KEAP1: variants seen among roughly 807,000 people sequenced by gnomAD.
KEAP1 encodes the protein kelch-like ECH-associated protein 1.
In KEAP1, 26 loss-of-function variants were observed where a neutral mutation model predicts 59.7. That is an observed-to-expected ratio of 0.44 (90% CI 0.32 to 0.60). KEAP1 has a LOEUF of 0.60. Ranked by LOEUF, KEAP1 falls within the 20% of genes least tolerant of loss-of-function variation. The pLI, the probability that KEAP1 is intolerant of heterozygous loss-of-function variation, is 0.06. For synonymous variants in KEAP1, 350 were observed against 358.3 expected (o/e 0.98, Z 0.26); for missense variants, 539 against 871.4 (o/e 0.62, Z 4.80).
rs1914469486 is a variant in KEAP1, at chr19:10,486,624, G to GT, written c.*27dup. ...AAACAATGATACTCCCCATTGGACT[G>GT]TATTTTTGCCCAAGAAACAAAAGTG... On this transcript the variant is annotated 3_prime_UTR_variant, in exon 6 of 6. Transcript: ENST00000171111. 6.2e-7 allele frequency: 1 copy of GT among 1,607,400 alleles called. No individual in the cohort carries two copies. The highest frequency in any genetic ancestry group is 2.2e-5 in the East Asian group (1 of 44,782).
At position 10,486,437 on chromosome 19, in the gene KEAP1, AGGCTGTCTT is replaced by A; in HGVS notation, c.*206_*214del. On this transcript the variant is annotated 3_prime_UTR_variant, in exon 6 of 6. Coordinates refer to ENST00000171111, the MANE Select transcript of KEAP1 (RefSeq NM_203500.2). The stretch of plus-strand genomic sequence containing the variant: ...TCTTTCCACACCCCCTTTCCCAGCC[AGGCTGTCTT>A]GGACACTCCCGGGGCTCCGCTGAGG... The A allele has an allele frequency of 1.8e-6, 1 of 545,776 alleles. No individual in the cohort carries two copies. The highest frequency in any genetic ancestry group is 2.2e-5 in the South Asian group (1 of 44,942). 33.8% of individuals were successfully genotyped at this position (545,776 alleles called of 1,614,324 possible).
chr19:10,499,279 G>A lies in KEAP1; in HGVS notation c.639+116C>T. ...AGACTACACCACCATACCCAGCCCA[G>A]AACCTCCTTTTTCTCCAGTTTCCTG... is the stretch of plus-strand genomic sequence containing the variant. On this transcript the variant is annotated intron_variant, in intron 2 of 5. Coordinates refer to ENST00000171111, the MANE Select transcript of KEAP1 (RefSeq NM_203500.2). The surrounding 1 kb of genome is among the most constrained non-coding windows in gnomAD (Gnocchi z 6.7). 4 of 1,009,490 alleles carry A rather than the reference G, an allele frequency of 4.0e-6. No homozygotes were observed. The South Asian group carries it at 6.4e-5, about 16-fold the overall frequency. The allele number at this position is 1,009,490 out of a possible 1,614,324, so 62.5% of individuals were successfully genotyped here.
chr19:10,489,125 AG>A, intron 5 of KEAP1, 66 bp downstream of exon 5: 2 of 1,172,588 alleles, frequency 1.7e-6, no homozygotes, highest in South Asian at 1.6e-5. Flanking sequence ...AAAAAAGGAA[AG>A]CAAAAGCAAA....
chr19:10,500,198 G>T, intron 1 of KEAP1, 118 bp from the exon 2 acceptor site: 1 of 731,518 alleles, frequency 1.4e-6, no homozygotes, highest in Non-Finnish European at 2.2e-6. Flanking sequence ...AGTAGGTGAA[G>T]CAGAATCCAT....
At position 10,499,840 on chromosome 19, in the gene KEAP1, C is replaced by T. The variant is rs2144629341; in HGVS notation, c.194G>A (p.Gly65Asp). 1 of 1,613,938 alleles carries T rather than the reference C, an allele frequency of 6.2e-7. No individual in the cohort carries two copies. Among genetic ancestry groups the T allele is most frequent in the Non-Finnish European group, 8.5e-7 (1 of 1,180,008 alleles). ...GCTGAGCCGCAGCTCGTTCATGATG[C>T]CAAAGGCCTGCTTGGTATGATCCTC... ...TLEDHTKQAF[G>D]IMNELRLSQQ... Residue 65 changes from glycine (G) to aspartate (D), a missense_variant, in exon 2 of 6, where the codon GGC becomes GAC. Transcript: ENST00000171111. This position sits in a 1 kb window ranked among gnomAD's most constrained non-coding sequence, Gnocchi z 6.7.
At position 10,494,327 on chromosome 19, in the gene KEAP1, C is replaced by CTTT. The variant is rs1195911183; in HGVS notation, c.640-2068_640-2066dup. Among the ~76,000 whole-genome samples the CTTT allele has an allele frequency of 1.9e-3, 207 of 110,388 alleles. 5 individuals are homozygous for CTTT. Among genetic ancestry groups the CTTT allele is most frequent in the African/African-American group, 2.2e-3 (60 of 26,718 alleles). The allele number at this position is 110,388 out of a possible 152,430, so 72.4% of individuals were successfully genotyped here. A position where few individuals can be genotyped will look rare whatever the true frequency, so the allele number is the denominator to read the frequency against. ...GTGTGCATCACCATACCTGGCTTGG[C>CTTT]TTTTTTTTTTTTTTTTTTTTTGAGA... is the stretch of plus-strand genomic sequence containing the variant. On this transcript the variant is annotated intron_variant, in intron 2 of 5. Transcript: ENST00000171111.
chr19:10,499,944 C>T lies in KEAP1; in HGVS notation c.90G>A (p.Ala30=), dbSNP rs80113737. The T allele has an allele frequency of 6.6e-3, 10,646 of 1,609,122 alleles. 54 individuals carry two copies. Among genetic ancestry groups the T allele is most frequent in the Middle Eastern group, 0.024 (147 of 6,042 alleles). Residue 30 remains alanine, a synonymous_variant, in exon 2 of 6, where the codon GCG becomes GCA. Transcript: ENST00000171111. The surrounding 1 kb of genome is among the most constrained non-coding windows in gnomAD (Gnocchi z 6.7). ...TGCACTCAGTGGAGGCGTACATCAC[C>T]GCGTCCCCTGCCCCCTCAGGGCACT... ...QSQCPEGAGD[A]VMYASTECKA...
At position 10,491,759 on chromosome 19, in the gene KEAP1, G is replaced by A. The variant is rs2144598357; in HGVS notation, c.1143C>T (p.Asn381=). 6.4e-7 allele frequency: 1 copy of A among 1,570,564 alleles called. No homozygotes were observed. Among genetic ancestry groups the A allele is most frequent in the South Asian group, 1.1e-5 (1 of 87,052 alleles). ...GGLLYAVGGR[N]NSPDGNTDSS... ...AGTCGGTGTTGCCGTCGGGCGAGTTGTTCCTGCCGCCCACGGCGTACAACA... is the reference window on the plus strand; with the variant it reads ...AGTCGGTGTTGCCGTCGGGCGAGTTATTCCTGCCGCCCACGGCGTACAACA... Residue 381 remains asparagine (N), a synonymous_variant, in exon 3 of 6, where the codon AAC becomes AAT. Transcript: ENST00000171111. This position sits in a 1 kb window ranked among gnomAD's most constrained non-coding sequence, Gnocchi z 5.2.
In KEAP1 at chr19:10,494,098, C is replaced by T. The variant is rs560752780; in HGVS notation, c.640-1836G>A. 3.9e-5 allele frequency among the ~76,000 whole-genome samples: 6 copies of T among 152,044 alleles called. No individual in the cohort carries two copies. In the East Asian group the frequency reaches 7.7e-4, roughly 20 times the overall value. On this transcript the variant is annotated intron_variant, in intron 2 of 5. Transcript: ENST00000171111. ...CTGGGACTACAGGTGTGTGCCACCA[C>T]GCACAGCTAATTTTCATATTTTTAT... is the stretch of plus-strand genomic sequence containing the variant.
rs2144626933 is a variant in KEAP1, at chr19:10,499,632, C to G, written c.402G>C (p.Glu134Asp). The G allele has an allele frequency of 6.2e-7, 1 of 1,614,104 alleles. No homozygotes were observed. Among genetic ancestry groups the G allele is most frequent in the South Asian group, 1.1e-5 (1 of 91,090 alleles). Residue 134 changes from glutamate (E) to aspartate (D), a missense_variant, in exon 2 of 6, where the codon GAG becomes GAC. Coordinates refer to ENST00000171111, the MANE Select transcript of KEAP1 (RefSeq NM_203500.2). This position sits in a 1 kb window ranked among gnomAD's most constrained non-coding sequence, Gnocchi z 6.7. ...SIEGIHPKVM[E>D]RLIEFAYTAS... is the part of the protein sequence containing the mutation. ...CCGTGTAGGCGAATTCAATGAGGCG[C>G]TCCATGACCTTGGGGTGGATACCCT...
intron 4 of KEAP1, 33 bp from the exon 5 acceptor site, chr19:10,489,401 G>A (rs2144588104): frequency 6.3e-7 from 1 of 1,590,432 alleles, no homozygotes. Context: ...GGTGACTCTG[G>A]GGGTCTGGCT....
rs1914461628 is a variant in KEAP1, at chr19:10,486,361, A to G, written c.*291T>C. The G allele has an allele frequency of 1.4e-5, 5 of 354,770 alleles. No homozygotes were observed. Among genetic ancestry groups the G allele is most frequent in the Non-Finnish European group, 2.6e-5 (5 of 193,296 alleles). 22.0% of individuals were successfully genotyped at this position (354,770 alleles called of 1,614,324 possible). A position where few individuals can be genotyped will look rare whatever the true frequency, so the allele number is the denominator to read the frequency against. On this transcript the variant is annotated 3_prime_UTR_variant, in exon 6 of 6. Coordinates refer to ENST00000171111, the MANE Select transcript of KEAP1 (RefSeq NM_203500.2). ...CTGCCGGCATGGGTGAGTGGGACCC[A>G]GGCCTATTACCCGGCCAGAGGGTTT...
rs556214991 is a variant in KEAP1 at position 10,494,776 on chromosome 19, C to A, written c.640-2514G>T. Among the ~76,000 whole-genome samples, 5 of 151,314 alleles carry A rather than the reference C, an allele frequency of 3.3e-5. No homozygotes were observed. The South Asian group carries it at 1.0e-3, about 32-fold the overall frequency. On this transcript the variant is annotated intron_variant, in intron 2 of 5. Transcript: ENST00000171111. ...GTTCATGCGATTCTCCTGCCTCAGC[C>A]TCCGAGTAGCTGGGACTACAGGTGC...
In KEAP1 at chr19:10,500,036, G is replaced by C. The variant is rs768092009; in HGVS notation, c.-3C>G. The C allele has an allele frequency of 1.3e-6, 2 of 1,538,466 alleles. No homozygotes were observed. The highest frequency in any genetic ancestry group is 1.8e-6 in the Non-Finnish European group (2 of 1,141,992). On this transcript the variant is annotated 5_prime_UTR_variant, in exon 2 of 6. Coordinates refer to ENST00000171111, the MANE Select transcript of KEAP1 (RefSeq NM_203500.2). ...CTAGGCCTGGGATCTGGCTGCATGG[G>C]GTTCCAGAAGATAAGCAACACCACC... is the stretch of plus-strand genomic sequence containing the variant.
chr19:10,487,397 C>T (rs1405692520), intron 5 of KEAP1, among the ~76,000 whole-genome samples: 1 of 152,176 alleles, frequency 6.6e-6, no homozygotes, highest in African/African-American at 2.4e-5. Flanking sequence ...TGGCTCATGC[C>T]TGCAATCCCA....
chr19:10,486,221 C>T lies in KEAP1; in HGVS notation c.*431G>A, dbSNP rs115470433. 2,728 of 235,290 alleles carry T rather than the reference C, an allele frequency of 0.012. 63 individuals carry two copies. Among genetic ancestry groups the T allele is most frequent in the African/African-American group, 0.054 (2,474 of 45,446 alleles). 14.6% of individuals were successfully genotyped at this position (235,290 alleles called of 1,614,324 possible). ...GTCCATCCGGTGGGGAAGTGCCATC[C>T]GGTGGCTTCTATGTACAGGCCCATC... On this transcript the variant is annotated 3_prime_UTR_variant, in exon 6 of 6. Transcript: ENST00000171111.
At chr19:10,495,967 T>C (rs1914833354) in intron 2 of KEAP1, among the ~76,000 whole-genome samples, 1 of 151,758 alleles carries the variant, frequency 6.6e-6, no homozygotes, top group South Asian at 2.1e-4. Flanking sequence ...GGAAGATTGC[T>C]TGAGCCCAGG....
intron 2 of KEAP1, among the ~76,000 whole-genome samples, chr19:10,493,475 T>G (rs962345658): frequency 5.3e-5 from 8 of 150,984 alleles, no homozygotes; most frequent in African/African-American, 1.9e-4. Context: ...TTTTTGTATT[T>G]ATTTTTAGTA....
intron 2 of KEAP1, among the ~76,000 whole-genome samples, chr19:10,498,140 T>C (rs1914913580): frequency 6.6e-6 from 1 of 151,208 alleles, no homozygotes; most frequent in Non-Finnish European, 1.5e-5. Flanking sequence ...CCGCAGGTGA[T>C]CTGCCCACCT....
Sources: allele counts gnomAD v4.1 joint callset (sites outside exome capture counted in the v4.1 genomes callset), GRCh38; gene constraint gnomAD v4.1.1; non-coding constraint Gnocchi (gnomAD v3.1); transcripts MANE v1.5; gene names NCBI Gene and HGNC (gene_info 2026-07-23, HGNC 2026-07-21).